Variants in PACS1 observed in about 807,000 individuals in gnomAD.
PACS1 encodes phosphofurin acidic cluster sorting protein 1, also known as PACS-1.
In PACS1, 24 loss-of-function variants were observed where a neutral mutation model predicts 115.0. The ratio of observed to expected loss-of-function variants is 0.21; its 90% confidence interval spans 0.15 to 0.29. PACS1 has a LOEUF of 0.29. Among genes scored for constraint, PACS1 ranks in the 10% least tolerant of loss-of-function variants. The pLI is 1.00. For synonymous variants in PACS1, 453 were observed against 504.5 expected (o/e 0.90, Z 1.37); for missense variants, 838 against 1,251.2 (o/e 0.67, Z 4.98).
At chr11:66,161,089 G>A (rs748746984) in intron 1 of PACS1, among the ~76,000 whole-genome samples, 2 of 152,134 alleles carry the variant, frequency 1.3e-5, no homozygotes, top group Non-Finnish European at 2.9e-5. Flanking sequence ...TAGAATAGGC[G>A]AGGCAGAGGT....
chr11:66,145,368 GA>G (rs1859096337), intron 1 of PACS1, among the ~76,000 whole-genome samples: 1 of 152,118 alleles, frequency 6.6e-6, no homozygotes, highest in Non-Finnish European at 1.5e-5. Flanking sequence ...TGGAGCAGGT[GA>G]AAAGCCCCTG....
chr11:66,076,635 C>T (rs771303850), intron 1 of PACS1, among the ~76,000 whole-genome samples: 11 of 152,268 alleles, frequency 7.2e-5, no homozygotes, highest in African/African-American at 1.2e-4. Context: ...TCAAGTGATC[C>T]GGCGGCCTCG....
At chr11:66,129,092 T>G (rs542622160) in intron 1 of PACS1, among the ~76,000 whole-genome samples, 30 of 152,190 alleles carry the variant, frequency 2.0e-4, no homozygotes, top group African/African-American at 6.7e-4. Flanking sequence ...GTGTATTTTA[T>G]TGTATGTAAA....
chr11:66,238,231 A>G (rs1590842395), intron 19 of PACS1: 3 of 985,248 alleles, frequency 3.0e-6, no homozygotes, highest in Non-Finnish European at 3.6e-6. Context: ...GCTGGTGTCC[A>G]CACCTTAGCA....
intron 1 of PACS1, among the ~76,000 whole-genome samples, chr11:66,097,432 T>TG (rs1411445173): frequency 1.3e-5 from 2 of 152,198 alleles, no homozygotes; most frequent in Non-Finnish European, 2.9e-5. Flanking sequence ...AGCAAGAGAC[T>TG]GTGGCCCTCA....
chr11:66,219,481 T>A (rs1393188041), intron 7 of PACS1: 1 of 602,174 alleles, frequency 1.7e-6, no homozygotes, highest in Non-Finnish European at 3.1e-6. Flanking sequence ...GAGACCCACA[T>A]TTGGGAGGTG....
chr11:66,201,633 G>T (rs1352592690), intron 2 of PACS1, among the ~76,000 whole-genome samples: 1 of 148,266 alleles, frequency 6.7e-6, no homozygotes, highest in African/African-American at 2.5e-5. Context: ...AAAAAAAAAA[G>T]TCAACAAAAC....
chr11:66,229,043 C>G (rs1855525199), intron 11 of PACS1, among the ~76,000 whole-genome samples: 1 of 151,170 alleles, frequency 6.6e-6, no homozygotes, highest in Non-Finnish European at 1.5e-5. Context: ...GAAAGGTGGC[C>G]CAGGCTGGGT....
chr11:66,216,862 C>CTTTTTTTTTTTTTTTT, intron 7 of PACS1, 87 bp downstream of exon 7: 1 of 849,840 alleles, frequency 1.2e-6, no homozygotes. Context: ...CTAGTGGAGA[C>CTTTTTTTTTTTTTTTT]TTCTTAAAAT....
intron 3 of PACS1, 66 bp from the exon 4 acceptor site, chr11:66,211,068 C>T: frequency 6.4e-7 from 1 of 1,573,764 alleles, no homozygotes; most frequent in Non-Finnish European, 8.7e-7. Flanking sequence ...GACTGTGTGT[C>T]CTCCAGAACC....
chr11:66,234,256 G>A lies in PACS1; in HGVS notation c.2104+14G>A, dbSNP rs1309311657. ...CACCAGTGTCAGGTAATGGCCCCGT[G>A]TAAGGAGCTTACTCCCACCCCCGGG... On this transcript the variant is annotated intron_variant, in intron 17 of 23. Transcript: ENST00000320580. The A allele has an allele frequency of 1.3e-6, 2 of 1,578,498 alleles. No individual in the cohort carries two copies. The highest frequency in any genetic ancestry group is 1.7e-6 in the Non-Finnish European group (2 of 1,147,440).
Position 66,227,580 on chromosome 11 carries a change from C to T in PACS1, c.1370C>T (p.Thr457Ile). 1 of 1,602,886 alleles carries T rather than the reference C, an allele frequency of 6.2e-7. No individual in the cohort carries two copies. The highest frequency in any genetic ancestry group is 8.5e-7 in the Non-Finnish European group (1 of 1,171,002). ...GATGACAGCTTGACTGAAACAGACA[C>T]TCTGGTATGTATGGGTCAGTTTCCT... ...NQDDSLTETD[T>I]LEITDQDMFG... is the part of the protein sequence containing the mutation. The change falls in exon 11 of 24, where the codon ACT becomes ATT. Residue 457 changes from threonine to isoleucine, a missense_variant. Thr to Ile is a moderately conservative substitution (Grantham distance 89). Coordinates refer to ENST00000320580, the MANE Select transcript of PACS1 (RefSeq NM_018026.4).
intron 10 of PACS1, among the ~76,000 whole-genome samples, chr11:66,222,161 G>C (rs1377312360): frequency 2.6e-5 from 4 of 152,160 alleles, no homozygotes. Flanking sequence ...TGGTAGCTGA[G>C]AGTGTGGCAT....
At chr11:66,141,772 TGTTGTTTTTTGTAGAGATGCA>T (rs1858995432) in intron 1 of PACS1, among the ~76,000 whole-genome samples, 2 of 152,068 alleles carry the variant, frequency 1.3e-5, no homozygotes, top group South Asian at 4.1e-4. Flanking sequence ...AGCTATTTTT[TGTTGTTTTTTGTAGAGATGCA>T]GTTGTTTTTT....
chr11:66,240,105 A>G lies in PACS1; in HGVS notation c.2429+828A>G, dbSNP rs1192364363. Among the ~76,000 whole-genome samples the G allele has an allele frequency of 3.3e-5, 5 of 152,370 alleles. No individual in the cohort carries two copies. In the East Asian group the frequency reaches 9.6e-4, roughly 29 times the overall value. The stretch of plus-strand genomic sequence containing the variant: ...ACAATCCACGTCTCTAAAAAAGAGA[A>G]AAAGAACATGCGTGTCAGTGCCTGG... On this transcript the variant is annotated intron_variant, in intron 21 of 23. Coordinates refer to ENST00000320580, the MANE Select transcript of PACS1 (RefSeq NM_018026.4).
intron 1 of PACS1, among the ~76,000 whole-genome samples, chr11:66,088,390 C>T (rs533525148): frequency 7.9e-5 from 12 of 152,038 alleles, no homozygotes; most frequent in Non-Finnish European, 1.5e-4. Context: ...TGTTTGCCTT[C>T]GACATTTAGA....
At chr11:66,229,907 A>G (rs1265633547) in intron 11 of PACS1, among the ~76,000 whole-genome samples, 1 of 151,702 alleles carries the variant, frequency 6.6e-6, no homozygotes, top group African/African-American at 2.4e-5. Context: ...GGTTGCGCCA[A>G]GATTGTGCCA....
At chr11:66,137,205 A>G (rs569169419) in intron 1 of PACS1, among the ~76,000 whole-genome samples, 12 of 151,426 alleles carry the variant, frequency 7.9e-5, no homozygotes, top group African/African-American at 2.2e-4. Flanking sequence ...TGTTTAAAAA[A>G]TACCCATATT....
At chr11:66,231,156 C>T (rs1188175040) in intron 13 of PACS1, among the ~76,000 whole-genome samples, 4 of 152,264 alleles carry the variant, frequency 2.6e-5, no homozygotes, top group Non-Finnish European at 5.9e-5. Flanking sequence ...ACCTCTAGGG[C>T]GCAGGCAGGG....
Sources: gnomAD v4.1 joint callset for allele counts (sites outside exome capture counted in the v4.1 genomes callset) on GRCh38, gnomAD v4.1.1 for gene constraint, MANE v1.5 for transcripts, NCBI Gene and HGNC (gene_info 2026-07-23, HGNC 2026-07-21) for gene names.